The following GATA3 variants were observed in gnomAD, a reference collection of about 807,000 sequenced individuals.
GATA3 encodes the protein trans-acting T-cell-specific transcription factor GATA-3.
In GATA3, 6 loss-of-function variants were observed where a neutral mutation model predicts 36.0. The observed-to-expected ratio is 0.17, with a 90% CI of 0.09 to 0.33. GATA3 has a LOEUF of 0.33. Among genes scored for constraint, GATA3 ranks in the 10% least tolerant of loss-of-function variants. The probability of loss-of-function intolerance (pLI) is 1.00; values close to 1 mark genes in which losing one functional copy is unlikely to be tolerated. For missense variants in GATA3, 514 were observed against 610.1 expected (o/e 0.84, Z 1.66); for synonymous variants, 326 against 273.0 (o/e 1.19, Z -1.92).
intron 4 of GATA3, among the ~76,000 whole-genome samples, chr10:8,065,166 C>G (rs1341777048): frequency 6.7e-6 from 1 of 149,770 alleles, no homozygotes; most frequent in Non-Finnish European, 1.5e-5. Flanking sequence ...CCTCTGTATT[C>G]TTTTTAAAGA....
At chr10:8,069,343 C>T in intron 4 of GATA3, 130 bp from the exon 5 acceptor site, 1 of 942,000 alleles carries the variant, frequency 1.1e-6, no homozygotes, top group East Asian at 2.6e-5. Context: ...TCATGTGGAC[C>T]ACTTGCTAGT....
At chr10:8,065,263 T>TTTG (rs1832817437) in intron 4 of GATA3, among the ~76,000 whole-genome samples, 1 of 141,200 alleles carries the variant, frequency 7.1e-6, no homozygotes, top group Non-Finnish European at 1.5e-5. Flanking sequence ...TTTTTTTTTT[T>TTTG]TTTTTTTTTT....
Position 8,055,547 on chromosome 10 carries a change from A to G in GATA3, c.-109A>G. The G allele has an allele frequency of 3.9e-6, 4 of 1,020,398 alleles. No homozygotes were observed. The highest frequency in any genetic ancestry group is 1.7e-5 in the African/African-American group (1 of 58,534). 63.2% of individuals were successfully genotyped at this position (1,020,398 alleles called of 1,614,324 possible). On this transcript the variant is annotated 5_prime_UTR_variant, in exon 2 of 6. Coordinates refer to ENST00000379328, the MANE Select transcript of GATA3 (RefSeq NM_001002295.2). The surrounding 1 kb of genome is among the most constrained non-coding windows in gnomAD (Gnocchi z 5.4). ...CCCACCGAAAGCAAATCATTCAACGACCCCCGACCCTCCGACGGCAGGAGC... is the reference window on the plus strand; with the variant it reads ...CCCACCGAAAGCAAATCATTCAACGGCCCCCGACCCTCCGACGGCAGGAGC...
rs1213336829 is a variant in GATA3 at position 8,073,779 on chromosome 10, C to G, written c.1091C>G (p.Thr364Ser). 1 of 1,613,796 alleles carries G rather than the reference C, an allele frequency of 6.2e-7. No individual in the cohort carries two copies. Among genetic ancestry groups the G allele is most frequent in the African/African-American group, 1.3e-5 (1 of 74,866 alleles). Residue 364 changes from threonine to serine, a missense_variant, in exon 6 of 6, where the codon ACC (threonine) becomes AGC (serine). Physicochemically the swap from Thr to Ser is moderately conservative, Grantham distance 58. Around this residue, in one of 3 missense-constraint regions of GATA3, gnomAD observed 44 missense variants for 151.5 expected, o/e 0.29. Transcript: ENST00000379328. Reference sequence around the variant, plus strand: ...ACTATGAAGAAGGAAGGCATCCAGACCAGAAACCGAAAAATGTCTAGCAAA... The same window carrying G: ...ACTATGAAGAAGGAAGGCATCCAGAGCAGAAACCGAAAAATGTCTAGCAAA... The part of the protein sequence containing the change: ...PLTMKKEGIQ[T>S]RNRKMSSKSK...
At chr10:8,072,807 T>C (rs1206497865) in intron 5 of GATA3, among the ~76,000 whole-genome samples, 1 of 152,116 alleles carries the variant, frequency 6.6e-6, no homozygotes, top group African/African-American at 2.4e-5. Context: ...TAGGTGGAAA[T>C]AGCACTTGCA....
chr10:8,058,395 C>A lies in GATA3; in HGVS notation c.332C>A (p.Pro111His). 1.2e-6 allele frequency: 2 copies of A among 1,612,878 alleles called. No homozygotes were observed. Among genetic ancestry groups the A allele is most frequent in the Non-Finnish European group, 1.7e-6 (2 of 1,179,974 alleles). The change falls in exon 3 of 6, where the codon CCC becomes CAC. Residue 111 changes from proline (P) to histidine (H), a missense_variant. By Grantham distance (77) the Pro-to-His change is moderately conservative (BLOSUM62 -2). Coordinates refer to ENST00000379328, the MANE Select transcript of GATA3 (RefSeq NM_001002295.2). The stretch of plus-strand genomic sequence containing the variant: ...CTGGGCAGCCACCACACCGCCTCCC[C>A]CTGGAATCTCAGCCCCTTCTCCAAG... ...KALGSHHTAS[P>H]WNLSPFSKTS...
At chr10:8,064,607 A>C (rs1399347085) in intron 4 of GATA3, among the ~76,000 whole-genome samples, 1 of 152,172 alleles carries the variant, frequency 6.6e-6, no homozygotes, top group Non-Finnish European at 1.5e-5. Context: ...AGGAAGGATT[A>C]CAGACTCAGT....
chr10:8,048,653 A>C (rs1832421329), upstream of GATA3, among the ~76,000 whole-genome samples: 1 of 152,134 alleles, frequency 6.6e-6, no homozygotes, highest in Non-Finnish European at 1.5e-5. Flanking sequence ...GAGAGAGCTG[A>C]AAAGGGCACT....
At chr10:8,051,676 G>T (rs1011904925), upstream of GATA3, 5 of 152,682 alleles carry the variant, frequency 3.3e-5, no homozygotes, top group Non-Finnish European at 7.3e-5. Context: ...TTCTCCGCAG[G>T]AGGCCAGGAT....
chr10:8,067,648 T>A (rs1832865140), intron 4 of GATA3, among the ~76,000 whole-genome samples: 2 of 152,016 alleles, frequency 1.3e-5, no homozygotes, highest in African/African-American at 4.8e-5. Flanking sequence ...TGAAACCCCG[T>A]CTCTACTAAA....
At chr10:8,056,875 A>G (rs922971646) in intron 2 of GATA3, among the ~76,000 whole-genome samples, 1 of 152,246 alleles carries the variant, frequency 6.6e-6, no homozygotes, top group Non-Finnish European at 1.5e-5. Flanking sequence ...CCTAAAGAAG[A>G]AACAGGGGTA....
chr10:8,055,644 A>G lies in GATA3; in HGVS notation c.-12A>G, dbSNP rs2131482051. 1 of 1,551,538 alleles carries G rather than the reference A, an allele frequency of 6.4e-7. No individual in the cohort carries two copies. Among genetic ancestry groups the G allele is most frequent in the Non-Finnish European group, 8.7e-7 (1 of 1,149,048 alleles). On this transcript the variant is annotated 5_prime_UTR_variant, in exon 2 of 6. Transcript: ENST00000379328. The surrounding 1 kb of genome is among the most constrained non-coding windows in gnomAD (Gnocchi z 5.4). ...CCGGGCCCGGCGAGAGGGCGCGAGC[A>G]CAGCCGAGGCCATGGAGGTGACGGC...
rs868292114 is a variant in GATA3, at chr10:8,055,736, C to T, written c.81C>T (p.His27=). 3 of 1,574,082 alleles carry T rather than the reference C, an allele frequency of 1.9e-6. No individual in the cohort carries two copies. Among genetic ancestry groups the T allele is most frequent in the Middle Eastern group, 1.7e-4 (1 of 6,020 alleles). The change falls in exon 2 of 6, where the codon CAC becomes CAT. Residue 27 remains histidine, a synonymous_variant. Transcript: ENST00000379328. This position sits in a 1 kb window ranked among gnomAD's most constrained non-coding sequence, Gnocchi z 5.4. ...TCAACGGGCAGCACCCGGACACGCA[C>T]CACCCGGGCCTCAGCCACTCCTACA... ...AVLNGQHPDT[H]HPGLSHSYMD...
At chr10:8,047,466 A>G (rs1832405205) in intron 1 of GATA3, among the ~76,000 whole-genome samples, 2 of 152,196 alleles carry the variant, frequency 1.3e-5, no homozygotes, top group African/African-American at 2.4e-5. Context: ...CTCCTGGTAT[A>G]TCTTTGTGTG....
chr10:8,058,247 C>G lies in GATA3; in HGVS notation c.242-58C>G, dbSNP rs1326823316. ...AGATTCCCCAGGTGTCCCTGACGGC[C>G]TCCCAGGGCCACACTCACCCTCCTT... On this transcript the variant is annotated intron_variant, in intron 2 of 5. Transcript: ENST00000379328. The G allele has an allele frequency of 2.5e-5, 40 of 1,587,742 alleles. No individual in the cohort carries two copies. The Admixed American group carries it at 6.7e-4, about 26-fold the overall frequency.
chr10:8,046,844 G>C (rs1485243664), intron 1 of GATA3, among the ~76,000 whole-genome samples: 1 of 152,088 alleles, frequency 6.6e-6, no homozygotes, highest in Non-Finnish European at 1.5e-5. Flanking sequence ...CTTTCGGTGG[G>C]ATCAAGCAGG....
rs899862408 is a variant in GATA3 at position 8,074,770 on chromosome 10, G to A, written c.*747G>A. On this transcript the variant is annotated 3_prime_UTR_variant, in exon 6 of 6. Transcript: ENST00000379328. Reference sequence around the variant, plus strand: ...TTTATTTCATCATATTATACAGACCGAACTGTTGTATAAATTTATTTACTG... The same window carrying A: ...TTTATTTCATCATATTATACAGACCAAACTGTTGTATAAATTTATTTACTG... 13 of 233,546 alleles carry A rather than the reference G, an allele frequency of 5.6e-5. No individual in the cohort carries two copies. Among genetic ancestry groups the A allele is most frequent in the African/African-American group, 2.4e-4 (11 of 45,334 alleles). 14.5% of individuals were successfully genotyped at this position (233,546 alleles called of 1,614,324 possible).
chr10:8,057,346 T>C (rs1832657365), intron 2 of GATA3, among the ~76,000 whole-genome samples: 1 of 152,184 alleles, frequency 6.6e-6, no homozygotes, highest in South Asian at 2.1e-4. Flanking sequence ...TCAGAGTGTA[T>C]GAGTTACAGC....
At chr10:8,071,367 T>TTG (rs774902254) in intron 5 of GATA3, among the ~76,000 whole-genome samples, 1 of 152,008 alleles carries the variant, frequency 6.6e-6, no homozygotes, top group Non-Finnish European at 1.5e-5. Context: ...TTGTAACAAA[T>TTG]TGTGTGTGTG....
Sources: allele counts gnomAD v4.1 joint callset (sites outside exome capture counted in the v4.1 genomes callset), GRCh38; gene constraint gnomAD v4.1.1; regional missense constraint gnomAD v4.1.1; non-coding constraint Gnocchi (gnomAD v3.1); transcripts MANE v1.5; gene names NCBI Gene and HGNC (gene_info 2026-07-23, HGNC 2026-07-21).